The following SCD5 variants were observed in gnomAD, a reference collection of about 807,000 sequenced individuals.
The protein encoded by SCD5 is stearoyl-CoA desaturase 5, also known as acyl-CoA-desaturase 4.
Under a neutral mutation model 30.4 loss-of-function variants are expected in SCD5, and 20 were observed. The ratio of observed to expected loss-of-function variants is 0.66; its 90% confidence interval spans 0.46 to 0.96. SCD5 has a LOEUF of 0.96. Among genes scored for constraint, SCD5 ranks in the 40% least tolerant of loss-of-function variants. The pLI, the probability that SCD5 is intolerant of heterozygous loss-of-function variation, is 0.00. For synonymous variants in SCD5, 173 were observed against 176.4 expected (o/e 0.98, Z 0.16); for missense variants, 381 against 443.3 (o/e 0.86, Z 1.26).
chr4:82,687,963 C>A (rs1408941685), intron 2 of SCD5, among the ~76,000 whole-genome samples: 1 of 152,188 alleles, frequency 6.6e-6, no homozygotes, highest in Non-Finnish European at 1.5e-5. Flanking sequence ...ATGTAAACAG[C>A]ATTTAGCTTG....
At chr4:82,680,621 G>T in intron 3 of SCD5, 86 bp downstream of exon 3, 2 of 1,204,158 alleles carry the variant, frequency 1.7e-6, no homozygotes, top group Non-Finnish European at 1.2e-6. Context: ...TGAGAAGAAC[G>T]CTATGGGGTT....
At chr4:82,723,926 A>G (rs934428743) in intron 1 of SCD5, among the ~76,000 whole-genome samples, 8 of 152,286 alleles carry the variant, frequency 5.3e-5, no homozygotes, top group Non-Finnish European at 1.0e-4. Flanking sequence ...GTCTGAGGAC[A>G]CATGAAATCT....
rs770301783 is a variant in SCD5 at position 82,747,073 on chromosome 4, C to CCCCG, written c.233-41661_233-41660insCGGG. Among the ~76,000 whole-genome samples the CCCCG allele has an allele frequency of 2.5e-3, 378 of 149,696 alleles. 8 individuals carry two copies. The highest frequency in any genetic ancestry group is 8.9e-3 in the South Asian group (40 of 4,504). On this transcript the variant is annotated intron_variant, in intron 1 of 4. Transcript: ENST00000319540. Reference sequence around the variant, plus strand: ...AGAGAAAAGTCTGGGCAACCTGCCCCCCAAGAAAGACGACCTTCCCACTCC... The same window carrying CCCCG: ...AGAGAAAAGTCTGGGCAACCTGCCCCCCCGCCAAGAAAGACGACCTTCCCACTCC...
rs1426963649 is a variant in SCD5 at position 82,629,656 on chromosome 4, CAT to C, written c.*1669_*1670del. On this transcript the variant is annotated 3_prime_UTR_variant, in exon 5 of 5. Coordinates refer to ENST00000319540, the MANE Select transcript of SCD5 (RefSeq NM_001037582.3). ...CATTGTGACTATTTCCAATTGCCAT[CAT>C]ATCTTTTTCTAAAATTTAAAATTTA... The C allele has an allele frequency of 2.6e-5, 4 of 152,212 alleles. No homozygotes were observed. Among genetic ancestry groups the C allele is most frequent in the African/African-American group, 9.6e-5 (4 of 41,466 alleles). The allele number at this position is 152,212 out of a possible 1,614,324, so 9.4% of individuals were successfully genotyped here. A position where few individuals can be genotyped will look rare whatever the true frequency, so the allele number is the denominator to read the frequency against.
In SCD5 at chr4:82,638,316, C is replaced by A. The variant is rs572217647; in HGVS notation, c.570-1493G>T. On this transcript the variant is annotated intron_variant, in intron 3 of 4. Transcript: ENST00000319540. ...AAAAAAGCAGACCACGAGGCAACGGCCGGTGTCTGGGCAGTTTACTCTGGG... is the reference window on the plus strand; with the variant it reads ...AAAAAAGCAGACCACGAGGCAACGGACGGTGTCTGGGCAGTTTACTCTGGG... Among the ~76,000 whole-genome samples, 6 of 152,180 alleles carry A rather than the reference C, an allele frequency of 3.9e-5. No homozygotes were observed. In the South Asian group the frequency reaches 1.2e-3, roughly 32 times the overall value.
At chr4:82,727,307 A>G (rs1453547175) in intron 1 of SCD5, among the ~76,000 whole-genome samples, 1 of 152,202 alleles carries the variant, frequency 6.6e-6, no homozygotes, top group Non-Finnish European at 1.5e-5. Context: ...TGCATAGAAC[A>G]CTATACTAAG....
intron 3 of SCD5, among the ~76,000 whole-genome samples, chr4:82,663,385 C>T (rs1370071786): frequency 6.6e-6 from 1 of 152,198 alleles, no homozygotes; most frequent in Non-Finnish European, 1.5e-5. Flanking sequence ...GGGCCCCTAA[C>T]TGGGTGCTCA....
chr4:82,785,480 T>C (rs566255637), intron 1 of SCD5, among the ~76,000 whole-genome samples: 28 of 152,374 alleles, frequency 1.8e-4, no homozygotes, highest in African/African-American at 6.3e-4. Flanking sequence ...CACTTCCTTA[T>C]AAATTTACTG....
chr4:82,768,771 T>A (rs1251942249), intron 1 of SCD5, among the ~76,000 whole-genome samples: 1 of 152,086 alleles, frequency 6.6e-6, no homozygotes, highest in East Asian at 1.9e-4. Flanking sequence ...TTGATAGGAT[T>A]AATTTTTTAA....
chr4:82,743,452 G>A (rs1720919784), intron 1 of SCD5, among the ~76,000 whole-genome samples: 1 of 152,152 alleles, frequency 6.6e-6, no homozygotes, highest in Non-Finnish European at 1.5e-5. Flanking sequence ...GGAGGTCAAG[G>A]CTGCAGTGAA....
At chr4:82,730,522 T>A (rs1344295088) in intron 1 of SCD5, among the ~76,000 whole-genome samples, 1 of 150,466 alleles carries the variant, frequency 6.6e-6, no homozygotes, top group Admixed American at 6.6e-5. Context: ...GGTCTTGATC[T>A]CCTGACATCA....
chr4:82,687,278 G>A (rs1728732888), intron 2 of SCD5, among the ~76,000 whole-genome samples: 1 of 151,794 alleles, frequency 6.6e-6, no homozygotes, highest in South Asian at 2.1e-4. Context: ...ATAAGTTTAA[G>A]CATGGGAAAA....
intron 3 of SCD5, among the ~76,000 whole-genome samples, chr4:82,678,798 A>G (rs552478734): frequency 2.0e-5 from 3 of 152,346 alleles, no homozygotes; most frequent in Non-Finnish European, 4.4e-5. Flanking sequence ...AAGACTGTGA[A>G]TGATTTTCTT....
At chr4:82,750,500 C>T (rs186701342) in intron 1 of SCD5, among the ~76,000 whole-genome samples, 1 of 152,320 alleles carries the variant, frequency 6.6e-6, no homozygotes, top group African/African-American at 2.4e-5. Context: ...AATGGTGACA[C>T]TGACTGCAAG....
Position 82,798,776 on chromosome 4 carries a change from C to T in SCD5, c.-239G>A, listed in dbSNP as rs905172233. The T allele has an allele frequency of 6.5e-6, 3 of 463,714 alleles. No homozygotes were observed. Among genetic ancestry groups the T allele is most frequent in the African/African-American group, 2.1e-5 (1 of 48,312 alleles). The allele number at this position is 463,714 out of a possible 1,614,324, so 28.7% of individuals were successfully genotyped here. On this transcript the variant is annotated 5_prime_UTR_variant, in exon 1 of 5. Transcript: ENST00000319540. ...CTGGCGTATCCCCCATATGGCTGCC[C>T]GGGCTGAACTCGGCCGCGAGAAAGA...
intron 2 of SCD5, among the ~76,000 whole-genome samples, chr4:82,689,120 T>G (rs781225273): frequency 2.6e-5 from 4 of 152,202 alleles, no homozygotes; most frequent in Non-Finnish European, 1.5e-5. Context: ...CCACAACTTG[T>G]TTTTAAAATA....
intron 3 of SCD5, among the ~76,000 whole-genome samples, chr4:82,656,561 A>G (rs1045163326): frequency 4.6e-5 from 7 of 152,216 alleles, no homozygotes; most frequent in Non-Finnish European, 7.3e-5. Flanking sequence ...CAATAAACAT[A>G]CATGTGCATG....
At chr4:82,759,489 A>G (rs936664799) in intron 1 of SCD5, among the ~76,000 whole-genome samples, 2 of 151,974 alleles carry the variant, frequency 1.3e-5, no homozygotes, top group Non-Finnish European at 2.9e-5. Flanking sequence ...CCCTTCACTT[A>G]CACTTCCCCC....
chr4:82,737,489 G>A (rs1720776142), intron 1 of SCD5, among the ~76,000 whole-genome samples: 1 of 152,094 alleles, frequency 6.6e-6, no homozygotes, highest in South Asian at 2.1e-4. Context: ...TCCCACTCAG[G>A]CAGATCATCA....
Sources: allele counts gnomAD v4.1 joint callset (sites outside exome capture counted in the v4.1 genomes callset), GRCh38; gene constraint gnomAD v4.1.1; transcripts MANE v1.5; gene names NCBI Gene and HGNC (gene_info 2026-07-23, HGNC 2026-07-21).